The following RGS7 variants were observed in gnomAD, a reference collection of about 807,000 sequenced individuals.
The protein encoded by RGS7 is regulator of G protein signaling 7.
In RGS7, 27 loss-of-function variants were observed where a neutral mutation model predicts 81.1. The observed-to-expected ratio is 0.33, with a 90% CI of 0.25 to 0.46. The LOEUF is 0.46. Ranked by LOEUF, RGS7 falls within the 20% of genes least tolerant of loss-of-function variation. The pLI is 1.00. For synonymous variants in RGS7, 208 were observed against 207.7 expected (o/e 1.00, Z -0.01); for missense variants, 396 against 607.4 (o/e 0.65, Z 3.66).
At chr1:241,323,846 A>G (rs2081341911) in intron 2 of RGS7, among the ~76,000 whole-genome samples, 2 of 152,192 alleles carry the variant, frequency 1.3e-5, no homozygotes, top group Non-Finnish European at 2.9e-5. Flanking sequence ...AGAAGTCATA[A>G]TAATATAATT....
At chr1:241,054,700 T>C (rs1375406975) in intron 3 of RGS7, among the ~76,000 whole-genome samples, 1 of 152,216 alleles carries the variant, frequency 6.6e-6, no homozygotes, top group East Asian at 1.9e-4. Flanking sequence ...TTCACTCAGG[T>C]GCTTGGACCA....
At chr1:241,046,244 A>C (rs770918631) in intron 3 of RGS7, among the ~76,000 whole-genome samples, 17 of 152,048 alleles carry the variant, frequency 1.1e-4, no homozygotes, top group Non-Finnish European at 1.8e-4. Context: ...TTGGGGTACA[A>C]ATGATCCCAT....
intron 2 of RGS7, among the ~76,000 whole-genome samples, chr1:241,237,556 A>G (rs1307724739): frequency 6.6e-6 from 1 of 152,204 alleles, no homozygotes; most frequent in Non-Finnish European, 1.5e-5. Context: ...ATTCCACCAG[A>G]CTTCCTTGAT....
intron 2 of RGS7, among the ~76,000 whole-genome samples, chr1:241,306,137 C>T (rs1573594828): frequency 6.6e-6 from 1 of 151,486 alleles, no homozygotes; most frequent in African/African-American, 2.4e-5. Context: ...TTCACACACA[C>T]ACACACACAC....
chr1:240,982,724 G>A (rs1036931415), intron 4 of RGS7, among the ~76,000 whole-genome samples: 3 of 152,194 alleles, frequency 2.0e-5, no homozygotes, highest in East Asian at 1.9e-4. Context: ...AAGTTAATGA[G>A]ATGTATGTGT....
At chr1:241,268,570 C>CT (rs1376353679) in intron 2 of RGS7, among the ~76,000 whole-genome samples, 1 of 152,184 alleles carries the variant, frequency 6.6e-6, no homozygotes, top group African/African-American at 2.4e-5. Context: ...CTAAACTCTT[C>CT]TAGAAGCAAA....
chr1:241,248,999 G>A (rs918468012), intron 2 of RGS7, among the ~76,000 whole-genome samples: 4 of 152,052 alleles, frequency 2.6e-5, no homozygotes, highest in Admixed American at 1.3e-4. Context: ...GTTGTCATTT[G>A]TATAGTCTAT....
intron 6 of RGS7, among the ~76,000 whole-genome samples, chr1:240,915,861 A>G (rs1378444111): frequency 6.6e-6 from 1 of 152,160 alleles, no homozygotes; most frequent in Non-Finnish European, 1.5e-5. Flanking sequence ...AAGAATGAAA[A>G]ATTAGTTCAT....
intron 9 of RGS7, among the ~76,000 whole-genome samples, chr1:240,863,474 T>TA (rs113199119): frequency 3.8e-4 from 58 of 152,230 alleles, no homozygotes; most frequent in African/African-American, 1.2e-3. Flanking sequence ...GATTCTGTTT[T>TA]AAAAAACATA....
At chr1:241,073,732 A>G (rs368167720) in intron 3 of RGS7, among the ~76,000 whole-genome samples, 21 of 152,176 alleles carry the variant, frequency 1.4e-4, no homozygotes, top group African/African-American at 5.1e-4. Flanking sequence ...ACAGTCATAC[A>G]GTTAATAAGT....
chr1:240,941,410 T>C (rs1374585985), intron 4 of RGS7, among the ~76,000 whole-genome samples: 3 of 96,128 alleles, frequency 3.1e-5, no homozygotes, highest in African/African-American at 9.4e-5. Context: ...TTGGGGTGAA[T>C]TTTTTGCTTC....
chr1:241,025,000 A>C (rs142618703), intron 3 of RGS7, among the ~76,000 whole-genome samples: 122 of 152,318 alleles, frequency 8.0e-4, no homozygotes, highest in African/African-American at 2.9e-3. Context: ...CTTTCAGTCT[A>C]TTGAGTCCCT....
At chr1:241,283,357 C>T (rs189614965) in intron 2 of RGS7, among the ~76,000 whole-genome samples, 8 of 152,194 alleles carry the variant, frequency 5.3e-5, no homozygotes, top group Non-Finnish European at 8.8e-5. Flanking sequence ...ATTAGTTTTC[C>T]TCCATTTGAG....
At chr1:240,829,955 G>C (rs550442760) in intron 9 of RGS7, among the ~76,000 whole-genome samples, 1 of 152,264 alleles carries the variant, frequency 6.6e-6, no homozygotes, top group South Asian at 2.1e-4. Flanking sequence ...AAAGATAAAG[G>C]TAAGATACTG....
intron 4 of RGS7, among the ~76,000 whole-genome samples, chr1:240,959,609 C>T (rs1023987709): frequency 6.6e-5 from 10 of 152,150 alleles, no homozygotes; most frequent in East Asian, 5.8e-4. Context: ...CTTTGCTGAC[C>T]GAAACGTTGT....
intron 2 of RGS7, among the ~76,000 whole-genome samples, chr1:241,199,115 ATTAT>A (rs147622832): frequency 0.23 from 35,058 of 151,864 alleles, 6,126 homozygotes; most frequent in African/African-American, 0.49. Context: ...AAGTCATCTG[ATTAT>A]TTATCTGATT....
intron 18 of RGS7, among the ~76,000 whole-genome samples, chr1:240,786,433 G>A (rs2102990981): frequency 6.6e-6 from 1 of 152,084 alleles, no homozygotes; most frequent in South Asian, 2.1e-4. Context: ...TGCATTAGTT[G>A]GTAAGGAAAT....
At chr1:241,321,797 C>A (rs972551890) in intron 2 of RGS7, among the ~76,000 whole-genome samples, 1 of 152,122 alleles carries the variant, frequency 6.6e-6, no homozygotes, top group African/African-American at 2.4e-5. Context: ...GCTCAATCAG[C>A]GCTCAAAAAT....
chr1:241,012,897 G>C (rs1017298840), intron 3 of RGS7, among the ~76,000 whole-genome samples: 1 of 152,012 alleles, frequency 6.6e-6, no homozygotes, highest in East Asian at 1.9e-4. Context: ...GCTGCTACCC[G>C]TGAGGTTTCA....
Sources: gnomAD v4.1 joint callset for allele counts (sites outside exome capture counted in the v4.1 genomes callset) on GRCh38, gnomAD v4.1.1 for gene constraint, MANE v1.5 for transcripts, NCBI Gene and HGNC (gene_info 2026-07-23, HGNC 2026-07-21) for gene names.